The following EFCAB3 variants were observed in gnomAD, a reference collection of about 807,000 sequenced individuals.
EFCAB3 encodes the protein EF-hand calcium binding domain 3.
In EFCAB3, 36 loss-of-function variants were observed where a neutral mutation model predicts 42.2. The ratio of observed to expected loss-of-function variants is 0.85; its 90% CI spans 0.65 to 1.13. EFCAB3 has a LOEUF of 1.13. Ranked by LOEUF, EFCAB3 falls within the 50% of genes most tolerant of loss-of-function variation. EFCAB3 has a pLI of 0.00. For synonymous variants in EFCAB3, 170 were observed against 172.8 expected (o/e 0.98, Z 0.13); for missense variants, 418 against 505.1 (o/e 0.83, Z 1.65).
At chr17:62,380,738 C>A in intron 1 of EFCAB3, 125 bp downstream of exon 1, 1 of 362,468 alleles carries the variant, frequency 2.8e-6, no homozygotes, top group Non-Finnish European at 3.8e-6. Flanking sequence ...TTTCACAGCA[C>A]CTTTCAAATG....
chr17:62,381,773 C>T (rs2070202394), intron 1 of EFCAB3: 1 of 406,196 alleles, frequency 2.5e-6, no homozygotes. Context: ...TCGAGGCGGA[C>T]GACGACCGGC....
intron 6 of EFCAB3, among the ~76,000 whole-genome samples, chr17:62,401,263 C>A (rs2070400930): frequency 1.3e-5 from 2 of 152,236 alleles, no homozygotes; most frequent in African/African-American, 4.8e-5. Context: ...GTGGTAGTTT[C>A]TTTTGCTGTG....
At chr17:62,390,344 TAC>T (rs1165404664) in intron 3 of EFCAB3, among the ~76,000 whole-genome samples, 1 of 152,150 alleles carries the variant, frequency 6.6e-6, no homozygotes, top group African/African-American at 2.4e-5. Flanking sequence ...GGTAAGAGCA[TAC>T]AGTTTATTTG....
intron 6 of EFCAB3, among the ~76,000 whole-genome samples, chr17:62,402,263 T>A (rs1184789702): frequency 6.6e-6 from 1 of 152,174 alleles, no homozygotes; most frequent in Non-Finnish European, 1.5e-5. Flanking sequence ...CCTCTTTTCC[T>A]AATTGAATAC....
chr17:62,410,962 T>G, intron 8 of EFCAB3, among the ~76,000 whole-genome samples: 1 of 152,162 alleles, frequency 6.6e-6, no homozygotes, highest in East Asian at 1.9e-4. Flanking sequence ...CTGTGAAGAA[T>G]TTGAAACTCA....
chr17:62,391,247 G>A (rs548612287), intron 3 of EFCAB3, among the ~76,000 whole-genome samples: 1 of 152,188 alleles, frequency 6.6e-6, no homozygotes, highest in East Asian at 2.0e-4. Flanking sequence ...TCTCCTGGAG[G>A]AGAATCTGCT....
At chr17:62,397,335 C>G (rs961936422) in intron 6 of EFCAB3, 2 of 323,568 alleles carry the variant, frequency 6.2e-6, no homozygotes, top group African/African-American at 4.4e-5. Context: ...GCCTGGGCAA[C>G]CTGGTGAAAC....
intron 2 of EFCAB3, among the ~76,000 whole-genome samples, chr17:62,386,950 G>A (rs1265075904): frequency 1.3e-5 from 2 of 150,946 alleles, no homozygotes; most frequent in African/African-American, 5.0e-5. Context: ...CACCACACCT[G>A]GCTAATTTTT....
chr17:62,391,988 G>T, intron 4 of EFCAB3, 23 bp downstream of exon 4: 1 of 1,562,988 alleles, frequency 6.4e-7, no homozygotes, highest in South Asian at 1.2e-5. Context: ...GCTTCTCATT[G>T]TTTTTCTCAT....
chr17:62,383,672 G>A (rs771276901), intron 2 of EFCAB3, among the ~76,000 whole-genome samples: 8 of 152,064 alleles, frequency 5.3e-5, no homozygotes, highest in Non-Finnish European at 8.8e-5. Flanking sequence ...CCTCCCAAAG[G>A]AGAAGCTGTT....
intron 3 of EFCAB3, 34 bp downstream of exon 3, chr17:62,387,450 C>T: frequency 1.3e-6 from 2 of 1,543,906 alleles, no homozygotes; most frequent in Non-Finnish European, 1.8e-6. Context: ...TGAAGCATAA[C>T]AGCTCCTTAA....
At chr17:62,413,711 C>T in intron 8 of EFCAB3, 21 bp from the exon 9 acceptor site, 1 of 1,559,498 alleles carries the variant, frequency 6.4e-7, no homozygotes, top group East Asian at 2.3e-5. Context: ...TACTAACCTT[C>T]TTTTTTAAAT....
chr17:62,372,471 G>A (rs977815773), intron 1 of EFCAB3, among the ~76,000 whole-genome samples: 3 of 151,772 alleles, frequency 2.0e-5, no homozygotes, highest in Non-Finnish European at 4.4e-5. Flanking sequence ...TTGTAGAGAC[G>A]GGGTACCACC....
In EFCAB3 at chr17:62,371,104, A is replaced by G. The variant is rs200345757; in HGVS notation, c.34+782A>G. Among the ~76,000 whole-genome samples the G allele has an allele frequency of 1.5e-3, 6 of 4,044 alleles. No individual in the cohort carries two copies. In the East Asian group the frequency reaches 0.032, roughly 21 times the overall value. 2.7% of individuals were successfully genotyped at this position (4,044 alleles called of 152,430 possible). ...AAGACCCTGTCTCCTTAAAAAAAGA[A>G]AAAAAAAAAAGAGCAGATTTTGGTT... On this transcript the variant is annotated intron_variant, in intron 1 of 11. Transcript: ENST00000450662.
chr17:62,393,438 A>G, intron 4 of EFCAB3, 135 bp from the exon 5 acceptor site: 3 of 672,020 alleles, frequency 4.5e-6, no homozygotes, highest in Non-Finnish European at 7.4e-6. Flanking sequence ...GGCTCACCTG[A>G]GCATATTTCC....
chr17:62,412,231 C>T (rs1405082497), intron 8 of EFCAB3, among the ~76,000 whole-genome samples: 1 of 150,966 alleles, frequency 6.6e-6, no homozygotes, highest in African/African-American at 2.4e-5. Context: ...CAAAATGTAG[C>T]CAGGCATGGT....
At chr17:62,389,777 C>T (rs954034159) in intron 3 of EFCAB3, among the ~76,000 whole-genome samples, 1 of 151,800 alleles carries the variant, frequency 6.6e-6, no homozygotes, top group Admixed American at 6.6e-5. Flanking sequence ...ATCCATGAAT[C>T]CACACTGATA....
upstream of EFCAB3, among the ~76,000 whole-genome samples, chr17:62,378,540 A>T (rs1481025761): frequency 6.6e-6 from 1 of 152,096 alleles, no homozygotes; most frequent in Non-Finnish European, 1.5e-5. Context: ...TCTATAAAAA[A>T]TTTTAAAATT....
chr17:62,383,502 C>T (rs973839602), intron 2 of EFCAB3, among the ~76,000 whole-genome samples: 1 of 151,916 alleles, frequency 6.6e-6, no homozygotes, highest in East Asian at 1.9e-4. Flanking sequence ...ATTAAATGCT[C>T]ATAAAGATTA....
Sources: gnomAD v4.1 joint callset for allele counts (sites outside exome capture counted in the v4.1 genomes callset) on GRCh38, gnomAD v4.1.1 for gene constraint, MANE v1.5 for transcripts, NCBI Gene and HGNC (gene_info 2026-07-23, HGNC 2026-07-21) for gene names.